The following ZC3HAV1 variants were observed in gnomAD, a reference collection of about 807,000 sequenced individuals.
The protein encoded by ZC3HAV1 is zinc finger CCCH-type antiviral protein 1.
In ZC3HAV1, 41 loss-of-function variants were observed where a neutral mutation model predicts 86.6. The ratio of observed to expected loss-of-function variants is 0.47; its 90% CI spans 0.37 to 0.61. The LOEUF is 0.61. Ranked by LOEUF, ZC3HAV1 falls within the 20% of genes least tolerant of loss-of-function variation. ZC3HAV1 has a pLI of 0.00. For synonymous variants in ZC3HAV1, 421 were observed against 432.1 expected (o/e 0.97, Z 0.32); for missense variants, 964 against 1,141.1 (o/e 0.84, Z 2.24).
intron 7 of ZC3HAV1, among the ~76,000 whole-genome samples, chr7:139,069,479 C>T (rs965706787): frequency 5.3e-5 from 8 of 152,178 alleles, no homozygotes; most frequent in African/African-American, 1.9e-4. Flanking sequence ...AGCTTAGCTA[C>T]TTTGCTGGTA....
Position 139,079,525 on chromosome 7 carries a change from G to C in ZC3HAV1, c.1416C>G (p.Val472=), listed in dbSNP as rs1356718071. ...IQDAGPASRD[V]QATGRIADDA... ...CATCTGCGATTCTGCCAGTGGCCTG[G>C]ACATCTCGGGAAGCAGGTCCAGCAT... is the stretch of plus-strand genomic sequence containing the variant. Residue 472 remains valine (V), a synonymous_variant, in exon 4 of 13, where the codon GTC becomes GTG. Transcript: ENST00000242351. The C allele has an allele frequency of 6.2e-7, 1 of 1,614,136 alleles. No homozygotes were observed. The highest frequency in any genetic ancestry group is 1.7e-5 in the Admixed American group (1 of 60,024).
At chr7:139,101,313 G>A (rs1204649568) in intron 1 of ZC3HAV1, among the ~76,000 whole-genome samples, 1 of 147,772 alleles carries the variant, frequency 6.8e-6, no homozygotes, top group African/African-American at 2.5e-5. Context: ...CATCGTCTGG[G>A]ATGTGAGCAG....
At chr7:139,105,992 C>G (rs1055292898) in intron 1 of ZC3HAV1, among the ~76,000 whole-genome samples, 3 of 151,908 alleles carry the variant, frequency 2.0e-5, no homozygotes, top group Non-Finnish European at 4.4e-5. Context: ...TTCCCAAATT[C>G]AAAAGTGATA....
chr7:139,055,276 A>T lies in ZC3HAV1; in HGVS notation c.2116T>A (p.Ser706Thr). ...AAGGTCGCAGTTAAAGACACTGACG[A>T]GGTCTTTGCTGGCTGATGGCTACAA... ...RGPDHQPAKT[S>T]SVSLTATFRP... is the part of the protein sequence containing the mutation. Residue 706 changes from serine (S) to threonine (T), a missense_variant, in exon 10 of 13, where the codon TCG becomes ACG. Physicochemically the swap from Ser to Thr is moderately conservative, Grantham distance 58. Transcript: ENST00000242351. 6.2e-7 allele frequency: 1 copy of T among 1,613,180 alleles called. No homozygotes were observed. Among genetic ancestry groups the T allele is most frequent in the South Asian group, 1.1e-5 (1 of 90,850 alleles).
At chr7:139,054,756 A>C (rs1459742928) in intron 10 of ZC3HAV1, among the ~76,000 whole-genome samples, 1 of 152,014 alleles carries the variant, frequency 6.6e-6, no homozygotes, top group African/African-American at 2.4e-5. Flanking sequence ...TTCTACCTTG[A>C]TCTAAGAGTG....
chr7:139,080,354 G>A (rs756794623), intron 3 of ZC3HAV1, 111 bp from the exon 4 acceptor site: 205 of 1,317,084 alleles, frequency 1.6e-4, no homozygotes, highest in Non-Finnish European at 2.0e-4. Context: ...CTATCCAAGT[G>A]CTATCAAATT....
At position 139,108,403 on chromosome 7, in the gene ZC3HAV1, C is replaced by T. The variant is rs556869860; in HGVS notation, c.308+621G>A. Among the ~76,000 whole-genome samples, 34 of 152,048 alleles carry T rather than the reference C, an allele frequency of 2.2e-4. 1 individual carries two copies. The highest frequency in any genetic ancestry group is 6.6e-4 in the Admixed American group (10 of 15,262). On this transcript the variant is annotated intron_variant, in intron 1 of 12. Coordinates refer to ENST00000242351, the MANE Select transcript of ZC3HAV1 (RefSeq NM_020119.4). The surrounding 1 kb of genome is among the most constrained non-coding windows in gnomAD (Gnocchi z 4.2). ...CGCGCGCCACCGTAGAGAGACCACCCGGAGGGAAGGCCCGCGGCTGCTACA... is the reference window on the plus strand; with the variant it reads ...CGCGCGCCACCGTAGAGAGACCACCTGGAGGGAAGGCCCGCGGCTGCTACA...
In ZC3HAV1 at chr7:139,046,650, G is replaced by A. The variant is rs937677341; in HGVS notation, c.*944C>T. 3.9e-5 allele frequency: 6 copies of A among 152,154 alleles called. No individual in the cohort carries two copies. Among genetic ancestry groups the A allele is most frequent in the African/African-American group, 7.2e-5 (3 of 41,426 alleles). 9.4% of individuals were successfully genotyped at this position (152,154 alleles called of 1,614,324 possible). ...AGTTTGTCCCCTAAATAAATGTAGC[G>A]ATAAAGAAAAGGGTGCTCCAAATCA... On this transcript the variant is annotated 3_prime_UTR_variant, in exon 13 of 13. Transcript: ENST00000242351.
chr7:139,070,663 C>CAAA (rs765065216), intron 7 of ZC3HAV1, among the ~76,000 whole-genome samples: 12,408 of 54,072 alleles, frequency 0.23, 1,223 homozygotes, highest in East Asian at 0.35. Context: ...GACTCCGTCT[C>CAAA]AAAAAAAAAA....
chr7:139,087,238 A>G (rs745813311), intron 2 of ZC3HAV1, among the ~76,000 whole-genome samples: 11 of 152,194 alleles, frequency 7.2e-5, no homozygotes, highest in African/African-American at 2.7e-4. Context: ...AGGAGCTTTA[A>G]CGGGAATGAT....
chr7:139,087,397 GAGAC>G (rs1370392205), intron 2 of ZC3HAV1, among the ~76,000 whole-genome samples: 1 of 151,872 alleles, frequency 6.6e-6, no homozygotes, highest in African/African-American at 2.4e-5. Flanking sequence ...GAGAGAGAGA[GAGAC>G]AGAGGGACAG....
At chr7:139,061,216 G>A (rs1816433836) in intron 8 of ZC3HAV1, 78 bp from the exon 9 acceptor site, 7 of 1,397,660 alleles carry the variant, frequency 5.0e-6, no homozygotes, top group Non-Finnish European at 6.9e-6. Context: ...TTTTGCAGAG[G>A]CTATTTACAC....
At position 139,067,234 on chromosome 7, in the gene ZC3HAV1, C is replaced by T. The variant is rs933401826; in HGVS notation, c.1873-2235G>A. 2.6e-5 allele frequency among the ~76,000 whole-genome samples: 4 copies of T among 151,978 alleles called. No homozygotes were observed. The East Asian group carries it at 7.7e-4, about 29-fold the overall frequency. ...CACAATCTGGGCTCACTGCAACCTC[C>T]GCCTCCTGGGTTCAAGCGAATTCTC... On this transcript the variant is annotated intron_variant, in intron 7 of 12. Coordinates refer to ENST00000242351, the MANE Select transcript of ZC3HAV1 (RefSeq NM_020119.4).
At chr7:139,056,117 A>G (rs1258447283) in intron 9 of ZC3HAV1, among the ~76,000 whole-genome samples, 1 of 152,208 alleles carries the variant, frequency 6.6e-6, no homozygotes, top group Non-Finnish European at 1.5e-5. Context: ...ATCAATTTAT[A>G]GAAATTACAC....
At chr7:139,067,333 T>C (rs1371703933) in intron 7 of ZC3HAV1, among the ~76,000 whole-genome samples, 1 of 152,154 alleles carries the variant, frequency 6.6e-6, no homozygotes, top group East Asian at 1.9e-4. Flanking sequence ...GTATTTTTAG[T>C]AGAGACAGGG....
At chr7:139,064,707 A>G (rs538190240) in intron 8 of ZC3HAV1, among the ~76,000 whole-genome samples, 172 bp downstream of exon 8, 36 of 152,314 alleles carry the variant, frequency 2.4e-4, no homozygotes, top group Admixed American at 2.4e-3. Flanking sequence ...CGTCACAGCC[A>G]GAGCTCTAGA....
chr7:139,065,122 G>T (rs1395725501), intron 7 of ZC3HAV1, 123 bp from the exon 8 acceptor site: 15 of 1,313,040 alleles, frequency 1.1e-5, no homozygotes, highest in Non-Finnish European at 1.6e-5. Flanking sequence ...AAACCAGATT[G>T]TAAAAGCTTC....
At chr7:139,089,848 C>T in intron 1 of ZC3HAV1, 89 bp from the exon 2 acceptor site, 2 of 1,400,460 alleles carry the variant, frequency 1.4e-6, no homozygotes, top group Non-Finnish European at 1.9e-6. Context: ...TCTGCAAAGA[C>T]CCGTGCCCAT....
At chr7:139,067,715 T>C (rs1280760155) in intron 7 of ZC3HAV1, among the ~76,000 whole-genome samples, 1 of 152,160 alleles carries the variant, frequency 6.6e-6, no homozygotes, top group Non-Finnish European at 1.5e-5. Flanking sequence ...CTCTATAAAT[T>C]TATATACAAA....
Sources: allele counts gnomAD v4.1 joint callset (sites outside exome capture counted in the v4.1 genomes callset), GRCh38; gene constraint gnomAD v4.1.1; non-coding constraint Gnocchi (gnomAD v3.1); transcripts MANE v1.5; gene names NCBI Gene and HGNC (gene_info 2026-07-23, HGNC 2026-07-21).